The following MTUS2 variants were observed in gnomAD, a reference collection of about 807,000 sequenced individuals.
MTUS2 encodes the protein microtubule associated scaffold protein 2.
Under a neutral mutation model 114.1 loss-of-function variants are expected in MTUS2, and 40 were observed. The ratio of observed to expected loss-of-function variants is 0.35; its 90% confidence interval spans 0.27 to 0.46. The LOEUF (loss-of-function observed/expected upper bound fraction) is 0.46, where lower values mean the gene tolerates loss of function less well. Among genes scored for constraint, MTUS2 ranks in the 20% least tolerant of loss-of-function variants. The pLI, the probability that MTUS2 is intolerant of heterozygous loss-of-function variation, is 1.00. For synonymous variants in MTUS2, 688 were observed against 672.0 expected (o/e 1.02, Z -0.37); for missense variants, 1,679 against 1,705.4 (o/e 0.98, Z 0.27).
At chr13:29,360,796 T>C (rs1002524068) in intron 8 of MTUS2, among the ~76,000 whole-genome samples, 3 of 148,892 alleles carry the variant, frequency 2.0e-5, no homozygotes, top group African/African-American at 4.9e-5. Context: ...GGAAGGTGAT[T>C]CGTCGTATTT....
At chr13:29,103,348 C>T (rs1890505477) in intron 5 of MTUS2, among the ~76,000 whole-genome samples, 1 of 152,184 alleles carries the variant, frequency 6.6e-6, no homozygotes, top group African/African-American at 2.4e-5. Flanking sequence ...AGCCTTGGCT[C>T]CTAGGCTGCA....
chr13:29,481,486 T>C (rs1881170561), intron 10 of MTUS2, among the ~76,000 whole-genome samples: 1 of 152,198 alleles, frequency 6.6e-6, no homozygotes, highest in Non-Finnish European at 1.5e-5. Flanking sequence ...AGTGTGCTTA[T>C]GATATGCTTA....
chr13:28,902,834 A>G (rs1879725979), intron 2 of MTUS2, among the ~76,000 whole-genome samples: 1 of 152,130 alleles, frequency 6.6e-6, no homozygotes, highest in Non-Finnish European at 1.5e-5. Flanking sequence ...CTTATTAAAT[A>G]GAATGATTTG....
In MTUS2 at chr13:29,501,081, A is replaced by G. The variant is rs371984791; in HGVS notation, c.3799-16A>G. 1.1e-4 allele frequency: 183 copies of G among 1,611,094 alleles called. 1 individual carries two copies. The highest frequency in any genetic ancestry group is 1.4e-4 in the Non-Finnish European group (164 of 1,177,594). ...ATGGCCTTGCTAGAACCTCTTAAACACTGTTTCCTTTGTAGGCAGAAAAGA... is the reference window on the plus strand; with the variant it reads ...ATGGCCTTGCTAGAACCTCTTAAACGCTGTTTCCTTTGTAGGCAGAAAAGA... On this transcript the variant is annotated splice_polypyrimidine_tract_variant and intron_variant, in intron 14 of 15. Coordinates refer to ENST00000612955, the MANE Select transcript of MTUS2 (RefSeq NM_001033602.4).
At chr13:29,114,962 T>A (rs1891028274) in intron 5 of MTUS2, among the ~76,000 whole-genome samples, 1 of 152,228 alleles carries the variant, frequency 6.6e-6, no homozygotes, top group African/African-American at 2.4e-5. Flanking sequence ...CCCCCATGAA[T>A]TTGCCATGCA....
Position 28,827,946 on chromosome 13 carries a change from T to C in MTUS2, c.-316+7335T>C, listed in dbSNP as rs141263651. Reference sequence around the variant, plus strand: ...AGTTTTGGGCATGCATTGTCATTGATAACATCTTATCAGGAGACAGGGTTT... The same window carrying C: ...AGTTTTGGGCATGCATTGTCATTGACAACATCTTATCAGGAGACAGGGTTT... On this transcript the variant is annotated intron_variant, in intron 1 of 15. Coordinates refer to ENST00000612955, the MANE Select transcript of MTUS2 (RefSeq NM_001033602.4). Among the ~76,000 whole-genome samples the C allele has an allele frequency of 8.6e-3, 1,314 of 152,304 alleles. 18 individuals carry two copies. The highest frequency in any genetic ancestry group is 0.03 in the African/African-American group (1,252 of 41,564).
chr13:29,383,236 G>GTATATATATATATATA (rs1566168498), intron 8 of MTUS2, among the ~76,000 whole-genome samples: 7 of 23,924 alleles, frequency 2.9e-4, no homozygotes, highest in African/African-American at 5.6e-4. Flanking sequence ...GTGTGTGTGT[G>GTATATATATATATATA]TGTGTGTGTG....
intron 4 of MTUS2, among the ~76,000 whole-genome samples, chr13:29,051,498 C>G (rs1045335450): frequency 1.6e-4 from 24 of 152,184 alleles, no homozygotes; most frequent in Admixed American, 1.3e-3. Flanking sequence ...TCACTAGATG[C>G]CAAGTCAGAG....
rs1214574786 is a variant in MTUS2 at position 29,389,351 on chromosome 13, GTA to G, written c.3117+29884_3117+29885del. On this transcript the variant is annotated intron_variant, in intron 8 of 15. Coordinates refer to ENST00000612955, the MANE Select transcript of MTUS2 (RefSeq NM_001033602.4). Reference sequence around the variant, plus strand: ...TGTGTATATATGTATGCACGTGTGTGTATATATGTATGCACGTGTGTGTATAT... The same window carrying G: ...TGTGTATATATGTATGCACGTGTGTGTATATGTATGCACGTGTGTGTATAT... Among the ~76,000 whole-genome samples the G allele has an allele frequency of 5.9e-4, 36 of 61,018 alleles. 1 individual carries two copies. Among genetic ancestry groups the G allele is most frequent in the East Asian group, 1.9e-3 (4 of 2,088 alleles). The allele number at this position is 61,018 out of a possible 152,430, so 40.0% of individuals were successfully genotyped here.
Position 29,339,888 on chromosome 13 carries a change from G to A in MTUS2, c.2905+15177G>A, listed in dbSNP as rs193212796. ...TGGGATTGGGGCGGCACCCTGGCCC[G>A]GGGCGGCACTATGGTCCGGGGCCAG... On this transcript the variant is annotated intron_variant, in intron 7 of 15. Transcript: ENST00000612955. The A allele has an allele frequency of 5.5e-3, 834 of 152,814 alleles. 3 individuals carry two copies. Among genetic ancestry groups the A allele is most frequent in the Non-Finnish European group, 8.3e-3 (566 of 68,420 alleles). The allele number at this position is 152,814 out of a possible 1,614,324, so 9.5% of individuals were successfully genotyped here.
At chr13:28,938,060 G>T (rs1231103575) in intron 2 of MTUS2, among the ~76,000 whole-genome samples, 4 of 152,186 alleles carry the variant, frequency 2.6e-5, no homozygotes, top group Admixed American at 2.6e-4. Flanking sequence ...ATAACAAAGT[G>T]TAATTTATTG....
chr13:28,984,152 A>G (rs1884475785), intron 2 of MTUS2, among the ~76,000 whole-genome samples: 1 of 152,122 alleles, frequency 6.6e-6, no homozygotes, highest in Admixed American at 6.5e-5. Context: ...ATAGCTGAGC[A>G]CTCATGTGAA....
At chr13:29,219,713 T>G (rs969728821) in intron 5 of MTUS2, among the ~76,000 whole-genome samples, 1 of 152,238 alleles carries the variant, frequency 6.6e-6, no homozygotes, top group South Asian at 2.1e-4. Context: ...GCTAATCATC[T>G]GGATAACTTT....
chr13:29,209,412 C>T (rs1895329195), intron 5 of MTUS2, among the ~76,000 whole-genome samples: 1 of 151,754 alleles, frequency 6.6e-6, no homozygotes, highest in East Asian at 1.9e-4. Context: ...AACATTTAGG[C>T]CATTTACATT....
chr13:29,367,593 G>A (rs540326972), intron 8 of MTUS2, among the ~76,000 whole-genome samples: 11 of 152,204 alleles, frequency 7.2e-5, no homozygotes, highest in African/African-American at 1.2e-4. Flanking sequence ...CAGGCAAGAG[G>A]TGAGAAGGGT....
chr13:29,001,985 G>A (rs962996253), intron 2 of MTUS2, among the ~76,000 whole-genome samples: 2 of 152,150 alleles, frequency 1.3e-5, no homozygotes, highest in African/African-American at 2.4e-5. Context: ...GAAGAGGTAT[G>A]GAAATGGATT....
chr13:28,919,409 C>T (rs1247535308), intron 2 of MTUS2, among the ~76,000 whole-genome samples: 3 of 152,066 alleles, frequency 2.0e-5, no homozygotes, highest in African/African-American at 7.2e-5. Flanking sequence ...CTCTCTCGCC[C>T]TGCAAGGTTT....
At chr13:29,069,472 G>T (rs115500738) in intron 4 of MTUS2, among the ~76,000 whole-genome samples, 1,592 of 152,284 alleles carry the variant, frequency 0.01, 23 homozygotes, top group African/African-American at 0.037. Flanking sequence ...CATTGGGGAA[G>T]GCCATCTGCT....
chr13:29,205,567 C>T (rs1566065361), intron 5 of MTUS2, among the ~76,000 whole-genome samples: 1 of 152,186 alleles, frequency 6.6e-6, no homozygotes, highest in South Asian at 2.1e-4. Flanking sequence ...CACTTCCCAC[C>T]CATTCCCCAA....
Sources: allele counts gnomAD v4.1 joint callset (sites outside exome capture counted in the v4.1 genomes callset), GRCh38; gene constraint gnomAD v4.1.1; transcripts MANE v1.5; gene names NCBI Gene and HGNC (gene_info 2026-07-23, HGNC 2026-07-21).